The following ORC3 variants were observed in gnomAD, a reference collection of about 807,000 sequenced individuals.
The protein encoded by ORC3 is origin recognition complex subunit 3, also known as homolog of latheo, Drosophila.
Under a neutral mutation model 100.7 loss-of-function variants are expected in ORC3, and 78 were observed. The observed-to-expected ratio is 0.77, with a 90% confidence interval of 0.65 to 0.94. The LOEUF is 0.94. Among genes scored for constraint, ORC3 ranks in the 40% least tolerant of loss-of-function variants. The pLI is 0.00. For synonymous variants in ORC3, 295 were observed against 289.3 expected (o/e 1.02, Z -0.20); for missense variants, 789 against 823.9 (o/e 0.96, Z 0.52).
intron 2 of ORC3, among the ~76,000 whole-genome samples, chr6:87,596,177 C>T (rs4707378): frequency 0.14 from 20,267 of 148,260 alleles, 1,603 homozygotes; most frequent in African/African-American, 0.22. Context: ...TTTTTTGAGA[C>T]GGAGTCTAGC....
chr6:87,673,674 C>T, the ORC3 span, among the ~76,000 whole-genome samples: 1 of 151,994 alleles, frequency 6.6e-6, no homozygotes, highest in Non-Finnish European at 1.5e-5. Context: ...AACCCCGTCT[C>T]TACTAAAAAT....
chr6:87,616,376 C>CATCTTTTT lies in ORC3; in HGVS notation c.937_944dup (p.Tyr316SerfsTer13), dbSNP rs1185225652. The CATCTTTTT allele has an allele frequency of 1.5e-5, 24 of 1,550,388 alleles. No homozygotes were observed. The highest frequency in any genetic ancestry group is 1.9e-5 in the Non-Finnish European group (21 of 1,122,634). On this transcript the variant is annotated frameshift_variant, in exon 9 of 20. Transcript: ENST00000392844. LOFTEE classifies it high-confidence loss of function. Reference sequence around the variant, plus strand: ...AAAAAGTATTACAGGTTCTGACCAACATCTTTTTGTATCATGATTTCTCAG... The same window carrying CATCTTTTT: ...AAAAAGTATTACAGGTTCTGACCAACATCTTTTTATCTTTTTGTATCATGATTTCTCAG...
chr6:87,608,922 A>G (rs1040250863), intron 6 of ORC3, among the ~76,000 whole-genome samples, 174 bp from the exon 7 acceptor site: 2 of 152,116 alleles, frequency 1.3e-5, no homozygotes, highest in South Asian at 2.1e-4. Flanking sequence ...TATTATTCCC[A>G]TGTCAGACAC....
rs1464178759 is a variant in ORC3 at position 87,663,063 on chromosome 6, C to T, written c.1752C>T (p.Ala584=). Residue 584 remains alanine, a synonymous_variant, in exon 17 of 20, where the codon GCC becomes GCT. Coordinates refer to ENST00000392844, the MANE Select transcript of ORC3 (RefSeq NM_012381.4). ...PLHEVVYFSA[A]HALREHLNAA... is the part of the protein sequence containing the mutation. ...ATGAGGTGGTGTACTTCAGTGCTGC[C>T]CATGCCCTTCGTGAGCATTTAAATG... 6.2e-7 allele frequency: 1 copy of T among 1,612,352 alleles called. No individual in the cohort carries two copies. The highest frequency in any genetic ancestry group is 8.5e-7 in the Non-Finnish European group (1 of 1,178,670).
chr6:87,634,979 A>G lies in ORC3; in HGVS notation c.1302+18A>G, dbSNP rs181035827. The G allele has an allele frequency of 1.7e-5, 20 of 1,166,282 alleles. No individual in the cohort carries two copies. In the East Asian group the frequency reaches 3.0e-4, roughly 18 times the overall value. 72.2% of individuals were successfully genotyped at this position (1,166,282 alleles called of 1,614,324 possible). A position where few individuals can be genotyped will look rare whatever the true frequency, so the allele number is the denominator to read the frequency against. On this transcript the variant is annotated intron_variant, in intron 12 of 19. Coordinates refer to ENST00000392844, the MANE Select transcript of ORC3 (RefSeq NM_012381.4). ...GTCGACAGGTAATCCAAGCCTCCTC[A>G]TTTGTAATCCATGAAGTAGGAATGT...
intron 2 of ORC3, among the ~76,000 whole-genome samples, chr6:87,598,786 A>T (rs1777661212): frequency 6.6e-6 from 1 of 152,182 alleles, no homozygotes; most frequent in Non-Finnish European, 1.5e-5. Context: ...CCAGACTTTA[A>T]CATTTGCCTT....
chr6:87,651,753 C>G (rs1460229711), intron 13 of ORC3, among the ~76,000 whole-genome samples: 1 of 152,084 alleles, frequency 6.6e-6, no homozygotes, highest in Non-Finnish European at 1.5e-5. Context: ...TCATAGTCTA[C>G]TTAGCTTTGT....
intron 1 of ORC3, among the ~76,000 whole-genome samples, chr6:87,593,112 C>CA (rs1009201799): frequency 8.0e-4 from 120 of 150,682 alleles, no homozygotes; most frequent in African/African-American, 2.9e-3. Context: ...AACAAACAAA[C>CA]AAAAAAAAAC....
chr6:87,606,181 A>G (rs1562326300), intron 5 of ORC3, among the ~76,000 whole-genome samples, 160 bp downstream of exon 5: 1 of 152,126 alleles, frequency 6.6e-6, no homozygotes, highest in Non-Finnish European at 1.5e-5. Context: ...AGTAATTGTG[A>G]CTATTACAGA....
At chr6:87,657,887 G>T in intron 15 of ORC3, 34 bp from the exon 16 acceptor site, 1 of 1,192,494 alleles carries the variant, frequency 8.4e-7, no homozygotes, top group South Asian at 1.2e-5. Context: ...TCTGTCTGAG[G>T]ATCACCAGAA....
chr6:87,673,823 G>C, the ORC3 span, among the ~76,000 whole-genome samples: 1 of 150,722 alleles, frequency 6.6e-6, no homozygotes, highest in Admixed American at 6.6e-5. Context: ...CCTGGTGACA[G>C]AGCAAGACTC....
At chr6:87,621,606 T>C in intron 10 of ORC3, 119 bp downstream of exon 10, 3 of 693,108 alleles carry the variant, frequency 4.3e-6, no homozygotes, top group Non-Finnish European at 6.1e-6. Context: ...CTGTTTTTAA[T>C]TGTGGGATTT....
intron 16 of ORC3, among the ~76,000 whole-genome samples, chr6:87,659,402 C>T (rs1770008628): frequency 6.6e-6 from 1 of 152,048 alleles, no homozygotes; most frequent in Admixed American, 6.6e-5. Context: ...AACCCAACAG[C>T]AGGCTAGGCA....
downstream of ORC3, among the ~76,000 whole-genome samples, chr6:87,668,153 C>G (rs76521923): frequency 0.077 from 11,735 of 152,188 alleles, 624 homozygotes; most frequent in Non-Finnish European, 0.12. Flanking sequence ...ATTTAATGCT[C>G]TACTCCCAAG....
chr6:87,675,483 T>C, the ORC3 span: 2 of 1,469,594 alleles, frequency 1.4e-6, no homozygotes, highest in Non-Finnish European at 1.9e-6. Context: ...TGACGAAAGC[T>C]TGAAATAACC....
rs1767690536 is a variant in ORC3 at position 87,634,830 on chromosome 6, T to C, written c.1186-15T>C. 2 of 1,117,814 alleles carry C rather than the reference T, an allele frequency of 1.8e-6. No individual in the cohort carries two copies. The highest frequency in any genetic ancestry group is 3.1e-5 in the African/African-American group (2 of 65,466). 69.2% of individuals were successfully genotyped at this position (1,117,814 alleles called of 1,614,324 possible). A position where few individuals can be genotyped will look rare whatever the true frequency, so the allele number is the denominator to read the frequency against. ...AGCTGACTTACATATTAATAATATA[T>C]TCTGTGATTTTTAGGAGGAAACACA... On this transcript the variant is annotated splice_polypyrimidine_tract_variant and intron_variant, in intron 11 of 19. Transcript: ENST00000392844.
At chr6:87,646,131 C>T (rs1367508815) in intron 13 of ORC3, among the ~76,000 whole-genome samples, 1 of 151,666 alleles carries the variant, frequency 6.6e-6, no homozygotes, top group African/African-American at 2.4e-5. Flanking sequence ...GGACTACAGG[C>T]GCCTGCCACC....
intron 11 of ORC3, among the ~76,000 whole-genome samples, chr6:87,629,109 A>G (rs1350708340): frequency 6.6e-6 from 1 of 152,214 alleles, no homozygotes; most frequent in Non-Finnish European, 1.5e-5. Flanking sequence ...TTCTTATTAG[A>G]TAGCAGTAAT....
downstream of ORC3, among the ~76,000 whole-genome samples, chr6:87,671,235 TTAGGAAAC>T (rs1770823873): frequency 6.6e-6 from 1 of 152,012 alleles, no homozygotes; most frequent in African/African-American, 2.4e-5. Flanking sequence ...CAAAGACCGG[TTAGGAAAC>T]CACAGAAATA....
Sources: gnomAD v4.1 joint callset for allele counts (sites outside exome capture counted in the v4.1 genomes callset) on GRCh38, gnomAD v4.1.1 for gene constraint, MANE v1.5 for transcripts, NCBI Gene and HGNC (gene_info 2026-07-23, HGNC 2026-07-21) for gene names.